PTPRD: variants seen among roughly 807,000 people sequenced by gnomAD.
PTPRD encodes protein tyrosine phosphatase receptor type D, also known as receptor-type tyrosine-protein phosphatase delta.
Under a neutral mutation model 214.5 loss-of-function variants are expected in PTPRD, and 34 were observed. The ratio of observed to expected loss-of-function variants is 0.16; its 90% confidence interval spans 0.12 to 0.21. The LOEUF is 0.21. PTPRD is among the 10% of genes least tolerant of loss of function. The pLI is 1.00. For missense variants in PTPRD, 2,545 were observed against 2,398.7 expected (o/e 1.06, Z -1.27); for synonymous variants, 1,128 against 845.7 (o/e 1.33, Z -5.79).
At chr9:10,488,991 C>A (rs770629581) in intron 2 of PTPRD, among the ~76,000 whole-genome samples, 5 of 152,060 alleles carry the variant, frequency 3.3e-5, no homozygotes, top group Non-Finnish European at 5.9e-5. Context: ...GACAAAGTTC[C>A]CTTTGTTTTT....
At chr9:9,712,349 T>A (rs1411505410) in intron 7 of PTPRD, among the ~76,000 whole-genome samples, 1 of 152,092 alleles carries the variant, frequency 6.6e-6, no homozygotes, top group Non-Finnish European at 1.5e-5. Context: ...GACACAGTGA[T>A]AGGCTGACAA....
intron 5 of PTPRD, among the ~76,000 whole-genome samples, chr9:9,825,362 CAG>C (rs913635908): frequency 1.4e-5 from 2 of 147,884 alleles, no homozygotes; most frequent in South Asian, 2.2e-4. Context: ...CAAAGAGACA[CAG>C]AGAGAGACAC....
At chr9:9,487,058 T>TC (rs1287566635) in intron 8 of PTPRD, among the ~76,000 whole-genome samples, 2 of 152,180 alleles carry the variant, frequency 1.3e-5, no homozygotes, top group Non-Finnish European at 2.9e-5. Flanking sequence ...ACTCATTTTC[T>TC]TTTTTATTAT....
chr9:8,817,084 T>C (rs2096935704), intron 11 of PTPRD, among the ~76,000 whole-genome samples: 1 of 152,230 alleles, frequency 6.6e-6, no homozygotes, highest in Non-Finnish European at 1.5e-5. Context: ...TATAGCATGA[T>C]GAAGCTGTAA....
intron 3 of PTPRD, among the ~76,000 whole-genome samples, chr9:10,060,545 G>C (rs1264320376): frequency 1.3e-5 from 2 of 151,912 alleles, no homozygotes; most frequent in African/African-American, 4.8e-5. Flanking sequence ...TCATGAACAT[G>C]ACAGAAATGT....
intron 14 of PTPRD, among the ~76,000 whole-genome samples, chr9:8,557,124 G>A (rs1468785338): frequency 6.6e-6 from 1 of 152,098 alleles, no homozygotes; most frequent in East Asian, 1.9e-4. Flanking sequence ...GTGGAAGGGA[G>A]GCAGACAGAG....
intron 2 of PTPRD, among the ~76,000 whole-genome samples, chr9:10,541,496 G>T (rs2135293380): frequency 6.6e-6 from 1 of 151,920 alleles, no homozygotes; most frequent in Non-Finnish European, 1.5e-5. Flanking sequence ...AAAATCATAA[G>T]TTTATGCAGT....
intron 10 of PTPRD, among the ~76,000 whole-genome samples, chr9:9,058,437 T>G: frequency 7.5e-6 from 1 of 134,010 alleles, no homozygotes; most frequent in Non-Finnish European, 1.6e-5. Flanking sequence ...AGAAATATTA[T>G]GAGGGTTTTT....
intron 37 of PTPRD, among the ~76,000 whole-genome samples, chr9:8,383,845 T>G (rs1427349662): frequency 6.6e-6 from 1 of 152,198 alleles, no homozygotes; most frequent in Non-Finnish European, 1.5e-5. Flanking sequence ...GGGCAAGGAA[T>G]GAAGGCAAGC....
At chr9:9,676,368 C>T (rs970748203) in intron 7 of PTPRD, among the ~76,000 whole-genome samples, 6 of 148,470 alleles carry the variant, frequency 4.0e-5, no homozygotes, top group Non-Finnish European at 8.9e-5. Flanking sequence ...TGAGGGAGAA[C>T]ATGCGGTGTT....
At chr9:9,502,569 T>C (rs939851365) in intron 8 of PTPRD, among the ~76,000 whole-genome samples, 2 of 151,964 alleles carry the variant, frequency 1.3e-5, no homozygotes, top group Admixed American at 1.3e-4. Context: ...TATAATTCAG[T>C]GATTCCACCA....
In PTPRD at chr9:8,848,504, ATTTT is replaced by A. The variant is rs34149878; in HGVS notation, c.-103-114562_-103-114559del. Among the ~76,000 whole-genome samples, 830 of 125,018 alleles carry A rather than the reference ATTTT, an allele frequency of 6.6e-3. 10 individuals carry two copies. The highest frequency in any genetic ancestry group is 0.022 in the African/African-American group (741 of 34,176). The allele number at this position is 125,018 out of a possible 152,430, so 82.0% of individuals were successfully genotyped here. A position where few individuals can be genotyped will look rare whatever the true frequency, so the allele number is the denominator to read the frequency against. ...GTGCACACCACCGTATCTGGCAAAT[ATTTT>A]TTTTTTTTTTTTTTTTGGTAGAGAC... On this transcript the variant is annotated intron_variant, in intron 11 of 45. Transcript: ENST00000381196.
At chr9:10,061,949 ACT>A (rs1051889346) in intron 3 of PTPRD, among the ~76,000 whole-genome samples, 48 of 152,000 alleles carry the variant, frequency 3.2e-4, no homozygotes, top group African/African-American at 9.9e-4. Flanking sequence ...TGAATCGGAA[ACT>A]CTGGAAATGG....
At chr9:8,952,886 T>C (rs1212986906) in intron 11 of PTPRD, among the ~76,000 whole-genome samples, 1 of 151,890 alleles carries the variant, frequency 6.6e-6, no homozygotes, top group Non-Finnish European at 1.5e-5. Context: ...ATATAAGCAA[T>C]GAAAGCATAA....
chr9:8,720,313 A>T (rs1272920110), intron 12 of PTPRD, among the ~76,000 whole-genome samples: 1 of 152,206 alleles, frequency 6.6e-6, no homozygotes, highest in African/African-American at 2.4e-5. Flanking sequence ...TCAATATGTC[A>T]GAGAGTGAAA....
At chr9:8,324,977 T>G (rs1310505417) in intron 44 of PTPRD, among the ~76,000 whole-genome samples, 2 of 152,092 alleles carry the variant, frequency 1.3e-5, no homozygotes, top group Non-Finnish European at 2.9e-5. Context: ...GTTTAAGTTC[T>G]TTGTAGATTC....
chr9:8,436,307 T>A (rs988029976), intron 35 of PTPRD, among the ~76,000 whole-genome samples: 33 of 151,000 alleles, frequency 2.2e-4, no homozygotes, highest in African/African-American at 7.1e-4. Context: ...AATATGTAAA[T>A]ATATACAATT....
intron 8 of PTPRD, among the ~76,000 whole-genome samples, chr9:9,544,640 G>A (rs1337078606): frequency 2.0e-5 from 3 of 151,476 alleles, no homozygotes; most frequent in African/African-American, 7.3e-5. Context: ...ATATCTACAT[G>A]CACTTTTTGC....
chr9:9,012,400 G>A (rs1030805538), intron 11 of PTPRD, among the ~76,000 whole-genome samples: 3 of 152,058 alleles, frequency 2.0e-5, no homozygotes, highest in East Asian at 1.9e-4. Context: ...TGCCCAATAC[G>A]TACTTAGTTA....
Sources: gnomAD v4.1 joint callset for allele counts (sites outside exome capture counted in the v4.1 genomes callset) on GRCh38, gnomAD v4.1.1 for gene constraint, MANE v1.5 for transcripts, NCBI Gene and HGNC (gene_info 2026-07-23, HGNC 2026-07-21) for gene names.